PALD1: variants seen among roughly 807,000 people sequenced by gnomAD.
PALD1 encodes the protein paladin.
PALD1 carries 57 observed loss-of-function variants against 96.0 expected under a neutral mutation model. That is an observed-to-expected ratio of 0.59 (90% confidence interval 0.48 to 0.74). The LOEUF is 0.74. PALD1 is among the 30% of genes least tolerant of loss of function. The pLI is 0.00. For missense variants in PALD1, 1,063 were observed against 1,143.7 expected (o/e 0.93, Z 1.02); for synonymous variants, 464 against 473.6 (o/e 0.98, Z 0.26).
the PALD1 span, among the ~76,000 whole-genome samples, chr10:70,464,889 A>G: frequency 1.3e-5 from 2 of 151,414 alleles, no homozygotes; most frequent in African/African-American, 4.9e-5. Flanking sequence ...TGGCCTTCCA[A>G]AGTGCTGGGA....
chr10:70,561,725 A>T (rs1160457465), intron 18 of PALD1, among the ~76,000 whole-genome samples: 1 of 148,650 alleles, frequency 6.7e-6, no homozygotes, highest in East Asian at 2.0e-4. Context: ...TCTCACCTTT[A>T]CCCCTCCCCT....
rs550516677 is a variant in PALD1 at position 70,551,601 on chromosome 10, C to G, written c.2262+4155C>G. Among the ~76,000 whole-genome samples the G allele has an allele frequency of 4.6e-5, 7 of 152,220 alleles. No individual in the cohort carries two copies. The East Asian group carries it at 1.4e-3, about 29-fold the overall frequency. On this transcript the variant is annotated intron_variant, in intron 18 of 19. Transcript: ENST00000263563. ...GCTTCCTGCCCCTCACTCCCCAGAG[C>G]CCCCAAATGGTGAATTTCCTTTTCC...
chr10:70,563,227 A>T (rs1475755285), intron 18 of PALD1, among the ~76,000 whole-genome samples: 2 of 152,124 alleles, frequency 1.3e-5, no homozygotes, highest in African/African-American at 4.8e-5. Context: ...TGGCTTCCAT[A>T]ATAGATCCAG....
chr10:70,486,678 T>A lies in PALD1; in HGVS notation c.-30+7619T>A, dbSNP rs576755130. On this transcript the variant is annotated intron_variant, in intron 1 of 19. Transcript: ENST00000263563. ...CAGGAGGCTGAGACTGGAGAATAGCTTGAACCCAGGAGGCAGAGGTTGCAA... is the reference window on the plus strand; with the variant it reads ...CAGGAGGCTGAGACTGGAGAATAGCATGAACCCAGGAGGCAGAGGTTGCAA... Among the ~76,000 whole-genome samples the A allele has an allele frequency of 2.0e-5, 3 of 152,196 alleles. No individual in the cohort carries two copies. The South Asian group carries it at 6.2e-4, about 32-fold the overall frequency.
Position 70,539,007 on chromosome 10 carries a change from A to T in PALD1, c.1568A>T (p.Lys523Met), listed in dbSNP as rs756395001. ...PIYGTAQPSA[K>M]ALGSILAYLT... ...TACGGCACGGCCCAGCCCAGCGCCA[A>T]GGTGACCGGCCCTCAGGGCCTGGGT... Residue 523 changes from lysine to methionine, a missense_variant and splice_region_variant, in exon 13 of 20, where the codon AAG becomes ATG. Coordinates refer to ENST00000263563, the MANE Select transcript of PALD1 (RefSeq NM_014431.3). This position sits in a 1 kb window ranked among gnomAD's most constrained non-coding sequence, Gnocchi z 4.5. 4 of 1,613,724 alleles carry T rather than the reference A, an allele frequency of 2.5e-6. No individual in the cohort carries two copies. The South Asian group carries it at 3.3e-5, about 13-fold the overall frequency.
In PALD1 at chr10:70,539,443, G is replaced by A. The variant is rs1016098976; in HGVS notation, c.1726-137G>A. ...ACCTGCTTGGCTTTGGGGGGTGGCTGTGACCCCTGAGGCTTGGGGGGGTCA... is the reference window on the plus strand; with the variant it reads ...ACCTGCTTGGCTTTGGGGGGTGGCTATGACCCCTGAGGCTTGGGGGGGTCA... On this transcript the variant is annotated intron_variant, in intron 14 of 19. Coordinates refer to ENST00000263563, the MANE Select transcript of PALD1 (RefSeq NM_014431.3). The surrounding 1 kb of genome is among the most constrained non-coding windows in gnomAD (Gnocchi z 4.5). 1.7e-5 allele frequency: 18 copies of A among 1,030,130 alleles called. No individual in the cohort carries two copies. The African/African-American group carries it at 1.8e-4, about 10-fold the overall frequency. The allele number at this position is 1,030,130 out of a possible 1,614,324, so 63.8% of individuals were successfully genotyped here.
intron 18 of PALD1, among the ~76,000 whole-genome samples, chr10:70,562,051 G>A (rs1274536673): frequency 2.0e-5 from 3 of 152,194 alleles, no homozygotes; most frequent in East Asian, 1.9e-4. Context: ...ATGGATGAGC[G>A]GATTAGTGAG....
At chr10:70,472,793 C>T in the PALD1 span, among the ~76,000 whole-genome samples, 4 of 152,118 alleles carry the variant, frequency 2.6e-5, no homozygotes, top group Admixed American at 6.5e-5. Context: ...GGGCTCTGTA[C>T]GAGTGCTGGC....
chr10:70,563,563 C>T (rs993350368), intron 18 of PALD1, among the ~76,000 whole-genome samples: 4 of 152,258 alleles, frequency 2.6e-5, no homozygotes, highest in Non-Finnish European at 4.4e-5. Flanking sequence ...TCTCCTGAGC[C>T]ACTTCCTCTC....
At chr10:70,530,816 C>T (rs1846976354) in intron 4 of PALD1, among the ~76,000 whole-genome samples, 1 of 152,164 alleles carries the variant, frequency 6.6e-6, no homozygotes, top group South Asian at 2.1e-4. Context: ...ACACATTTCC[C>T]TCTGCCTGTA....
At chr10:70,562,613 C>T (rs1033586732) in intron 18 of PALD1, among the ~76,000 whole-genome samples, 34 of 152,202 alleles carry the variant, frequency 2.2e-4, no homozygotes, top group African/African-American at 8.0e-4. Flanking sequence ...CACAGATGTT[C>T]CTGGTGCCCG....
the PALD1 span, among the ~76,000 whole-genome samples, chr10:70,460,620 A>T: frequency 6.6e-6 from 1 of 152,020 alleles, no homozygotes; most frequent in Non-Finnish European, 1.5e-5. Flanking sequence ...CCCAGCCACC[A>T]TCATCTCTCT....
intron 1 of PALD1, among the ~76,000 whole-genome samples, chr10:70,480,192 C>T (rs1385505430): frequency 6.6e-6 from 1 of 152,246 alleles, no homozygotes; most frequent in Non-Finnish European, 1.5e-5. Flanking sequence ...TCCCCACCCA[C>T]TCCCAGGTTT....
At chr10:70,512,529 CTCT>C (rs533168140) in intron 1 of PALD1, among the ~76,000 whole-genome samples, 5 of 152,230 alleles carry the variant, frequency 3.3e-5, no homozygotes, top group African/African-American at 7.2e-5. Context: ...AGGCAGCGAC[CTCT>C]TCTTAGTGTG....
At chr10:70,520,145 C>T (rs1262339012) in intron 1 of PALD1, among the ~76,000 whole-genome samples, 2 of 151,922 alleles carry the variant, frequency 1.3e-5, no homozygotes, top group Non-Finnish European at 2.9e-5. Context: ...GAAAAAGGGA[C>T]GGGGTGGGCG....
intron 17 of PALD1, among the ~76,000 whole-genome samples, chr10:70,542,916 C>T (rs1466121358): frequency 1.3e-5 from 2 of 152,178 alleles, no homozygotes; most frequent in African/African-American, 2.4e-5. Context: ...GATATTTCCA[C>T]ATCCTCACCA....
At chr10:70,519,805 C>G (rs758163982) in intron 1 of PALD1, among the ~76,000 whole-genome samples, 34 of 152,002 alleles carry the variant, frequency 2.2e-4, no homozygotes, top group Non-Finnish European at 4.1e-4. Context: ...GAACTCCTGA[C>G]TTCAGGTGAT....
chr10:70,516,889 AT>A (rs11452196), intron 1 of PALD1, among the ~76,000 whole-genome samples: 31,036 of 148,000 alleles, frequency 0.21, 3,394 homozygotes, highest in East Asian at 0.3. Context: ...ATTTTACTGT[AT>A]TTTTTTTTTT....
At chr10:70,481,494 G>A (rs541965278) in intron 1 of PALD1, among the ~76,000 whole-genome samples, 40 of 152,334 alleles carry the variant, frequency 2.6e-4, no homozygotes, top group Admixed American at 1.3e-3. Context: ...GCATTACAAG[G>A]CTGTGTTTGT....
Sources: allele counts gnomAD v4.1 joint callset (sites outside exome capture counted in the v4.1 genomes callset), GRCh38; gene constraint gnomAD v4.1.1; non-coding constraint Gnocchi (gnomAD v3.1); transcripts MANE v1.5; gene names NCBI Gene and HGNC (gene_info 2026-07-23, HGNC 2026-07-21).